The following SLC24A3 variants were observed in gnomAD, a reference collection of about 807,000 sequenced individuals.
SLC24A3 encodes sodium/potassium/calcium exchanger 3.
SLC24A3 carries 28 observed loss-of-function variants against 75.8 expected under a neutral mutation model. That is an observed-to-expected ratio of 0.37 (90% confidence interval 0.27 to 0.51). The LOEUF (loss-of-function observed/expected upper bound fraction) is 0.51. SLC24A3 is among the 20% of genes least tolerant of loss of function. The pLI, the probability that SLC24A3 is intolerant of heterozygous loss-of-function variation, is 0.94. For missense variants in SLC24A3, 663 were observed against 847.8 expected, an observed-to-expected ratio of 0.78 and a Z score of 2.71; for synonymous variants, 372 against 334.1, an observed-to-expected ratio of 1.11 and a Z score of -1.24.
intron 2 of SLC24A3, among the ~76,000 whole-genome samples, chr20:19,457,390 T>G (rs533066381): frequency 6.6e-6 from 1 of 152,334 alleles, no homozygotes; most frequent in African/African-American, 2.4e-5. Context: ...ATGATACAAA[T>G]TCAGACTAAA....
chr20:19,570,391 C>A (rs1475024416), intron 3 of SLC24A3, among the ~76,000 whole-genome samples: 1 of 152,164 alleles, frequency 6.6e-6, no homozygotes, highest in Non-Finnish European at 1.5e-5. Context: ...TCACTGACCC[C>A]TTCTCAAGGA....
intron 1 of SLC24A3, among the ~76,000 whole-genome samples, chr20:19,219,314 C>T (rs1464180098): frequency 1.3e-5 from 2 of 152,168 alleles, no homozygotes; most frequent in Non-Finnish European, 2.9e-5. Context: ...ATGAAGCTCT[C>T]TCAGTGGGAT....
chr20:19,426,660 G>A (rs1987011464), intron 2 of SLC24A3, among the ~76,000 whole-genome samples: 1 of 152,174 alleles, frequency 6.6e-6, no homozygotes, highest in Admixed American at 6.5e-5. Context: ...CTGCATTGAA[G>A]GGCACATGTG....
At chr20:19,592,290 T>A (rs2031389128) in intron 6 of SLC24A3, among the ~76,000 whole-genome samples, 1 of 152,218 alleles carries the variant, frequency 6.6e-6, no homozygotes, top group Admixed American at 6.5e-5. Flanking sequence ...GCCCATTTGT[T>A]AGTCAGGGGT....
At chr20:19,562,544 C>T (rs1175202909) in intron 3 of SLC24A3, among the ~76,000 whole-genome samples, 1 of 152,126 alleles carries the variant, frequency 6.6e-6, no homozygotes, top group Non-Finnish European at 1.5e-5. Flanking sequence ...GTTAGAAGTC[C>T]ATAGTAATCA....
intron 2 of SLC24A3, among the ~76,000 whole-genome samples, chr20:19,396,446 C>T (rs1986455256): frequency 6.6e-6 from 1 of 152,156 alleles, no homozygotes; most frequent in African/African-American, 2.4e-5. Flanking sequence ...TTTAAATTCT[C>T]TTTTTATAGT....
At chr20:19,513,741 A>AAAAG (rs1186243233) in intron 2 of SLC24A3, among the ~76,000 whole-genome samples, 1 of 150,128 alleles carries the variant, frequency 6.7e-6, no homozygotes, top group Non-Finnish European at 1.5e-5. Flanking sequence ...TTTTTTAGAA[A>AAAAG]AAAAAAAAAA....
intron 2 of SLC24A3, among the ~76,000 whole-genome samples, chr20:19,389,047 T>G (rs1986323367): frequency 6.6e-6 from 1 of 152,142 alleles, no homozygotes; most frequent in South Asian, 2.1e-4. Context: ...ATAAAACATC[T>G]TATAGTTATT....
intron 1 of SLC24A3, among the ~76,000 whole-genome samples, chr20:19,251,685 G>C (rs991716629): frequency 6.6e-6 from 1 of 152,100 alleles, no homozygotes; most frequent in African/African-American, 2.4e-5. Context: ...GCAGGTTGAG[G>C]GTTGCTCACA....
At chr20:19,637,606 G>A (rs1375364364) in intron 6 of SLC24A3, among the ~76,000 whole-genome samples, 3 of 152,136 alleles carry the variant, frequency 2.0e-5, no homozygotes, top group Non-Finnish European at 2.9e-5. Context: ...TAATATAACT[G>A]CTATTTATCG....
At chr20:19,395,207 G>A (rs920845390) in intron 2 of SLC24A3, among the ~76,000 whole-genome samples, 8 of 152,174 alleles carry the variant, frequency 5.3e-5, no homozygotes, top group Non-Finnish European at 8.8e-5. Flanking sequence ...GGGAGCTACC[G>A]TGTAATGGTC....
At chr20:19,689,967 G>T (rs530700238) in intron 12 of SLC24A3, among the ~76,000 whole-genome samples, 2 of 135,890 alleles carry the variant, frequency 1.5e-5, no homozygotes, top group East Asian at 2.4e-4. Flanking sequence ...GGAGGCAAAG[G>T]TTGCAGTGAG....
intron 2 of SLC24A3, among the ~76,000 whole-genome samples, chr20:19,462,868 C>T (rs1987701665): frequency 1.3e-5 from 2 of 152,160 alleles, no homozygotes; most frequent in South Asian, 4.1e-4. Flanking sequence ...AAAGGTGGGG[C>T]TGGACTATCT....
chr20:19,645,204 T>C (rs2032122672), intron 6 of SLC24A3, among the ~76,000 whole-genome samples: 1 of 152,220 alleles, frequency 6.6e-6, no homozygotes, highest in Non-Finnish European at 1.5e-5. Context: ...ATCAGTTTCC[T>C]AGTGATTCTA....
intron 1 of SLC24A3, among the ~76,000 whole-genome samples, chr20:19,275,086 A>G (rs1489592238): frequency 2.0e-5 from 3 of 152,212 alleles, no homozygotes; most frequent in Non-Finnish European, 4.4e-5. Flanking sequence ...CTTCAGCCAG[A>G]TGGTTCTCTG....
intron 1 of SLC24A3, among the ~76,000 whole-genome samples, chr20:19,219,312 C>G (rs1981645972): frequency 1.3e-5 from 2 of 152,176 alleles, no homozygotes; most frequent in Non-Finnish European, 1.5e-5. Context: ...TCATGAAGCT[C>G]TCTCAGTGGG....
At chr20:19,707,844 C>T (rs553259882) in intron 15 of SLC24A3, among the ~76,000 whole-genome samples, 40 of 152,226 alleles carry the variant, frequency 2.6e-4, no homozygotes, top group African/African-American at 8.4e-4. Flanking sequence ...GATATGTTTG[C>T]GGGTCACCTG....
intron 3 of SLC24A3, among the ~76,000 whole-genome samples, chr20:19,556,795 A>G (rs544733642): frequency 2.0e-5 from 3 of 152,334 alleles, no homozygotes; most frequent in South Asian, 2.1e-4. Flanking sequence ...AACCCAAAGT[A>G]AGAGAGAAAA....
intron 2 of SLC24A3, among the ~76,000 whole-genome samples, chr20:19,473,793 A>G (rs748292148): frequency 1.2e-4 from 19 of 152,238 alleles, no homozygotes; most frequent in South Asian, 4.1e-4. Flanking sequence ...AAGGCAGTGT[A>G]GGTGAGATCG....
Sources: allele counts gnomAD v4.1 joint callset (sites outside exome capture counted in the v4.1 genomes callset), GRCh38; gene constraint gnomAD v4.1.1; transcripts MANE v1.5; gene names NCBI Gene and HGNC (gene_info 2026-07-23, HGNC 2026-07-21).